Variants in EIF4E observed in about 807,000 individuals in gnomAD.
EIF4E encodes eIF-4F 25 kDa subunit.
For missense variants in EIF4E, 113 were observed against 265.6 expected, an observed-to-expected ratio of 0.43 and a Z score of 3.99; for synonymous variants, 71 against 88.5, an observed-to-expected ratio of 0.80 and a Z score of 1.11.
chr4:98,925,691 G>C (rs777274056), intron 1 of EIF4E, among the ~76,000 whole-genome samples: 1 of 152,078 alleles, frequency 6.6e-6, no homozygotes, highest in African/African-American at 2.4e-5. Context: ...AAATCATCCA[G>C]ATACCTATGC....
Position 98,880,781 on chromosome 4 carries a change from G to C in EIF4E, c.*247C>G. The C allele has an allele frequency of 4.2e-6, 2 of 474,602 alleles. No individual in the cohort carries two copies. The highest frequency in any genetic ancestry group is 5.1e-5 in the South Asian group (2 of 38,868). 29.4% of individuals were successfully genotyped at this position (474,602 alleles called of 1,614,324 possible). A position where few individuals can be genotyped will look rare whatever the true frequency, so the allele number is the denominator to read the frequency against. The stretch of plus-strand genomic sequence containing the variant: ...CAGAGTGGGCCAGGAACACATTTAT[G>C]GATTCTGGGGATGTGTACTGTAATT... On this transcript the variant is annotated 3_prime_UTR_variant, in exon 7 of 7. Transcript: ENST00000450253.
At chr4:98,926,226 G>GC (rs1195111013) in intron 1 of EIF4E, 1 of 151,850 alleles carries the variant, frequency 6.6e-6, no homozygotes, top group Admixed American at 6.6e-5. Context: ...ACTAGCCTGT[G>GC]CACAAGGGTA....
intron 1 of EIF4E, among the ~76,000 whole-genome samples, chr4:98,926,684 T>C (rs1048972203): frequency 6.6e-6 from 1 of 152,132 alleles, no homozygotes; most frequent in Non-Finnish European, 1.5e-5. Context: ...AACATCCAAA[T>C]CTCCCAAAGT....
chr4:98,927,753 C>T (rs921737145), intron 1 of EIF4E, among the ~76,000 whole-genome samples: 1 of 141,282 alleles, frequency 7.1e-6, no homozygotes, highest in Non-Finnish European at 1.5e-5. Context: ...AAAAGATACA[C>T]AAAAGTATCT....
In EIF4E at chr4:98,901,348, C is replaced by T. The variant is rs1724640430; in HGVS notation, c.125+528G>A. ...GAGCAGCTGGGATTACAGGCGTCTG[C>T]CACCATACCCAGCTAATTTTTGTAT... is the stretch of plus-strand genomic sequence containing the variant. On this transcript the variant is annotated intron_variant, in intron 2 of 6. Transcript: ENST00000450253. Among the ~76,000 whole-genome samples, 4 of 152,288 alleles carry T rather than the reference C, an allele frequency of 2.6e-5. No homozygotes were observed. The South Asian group carries it at 8.3e-4, about 32-fold the overall frequency.
At chr4:98,922,641 A>G (rs771858170) in intron 1 of EIF4E, among the ~76,000 whole-genome samples, 21 of 152,050 alleles carry the variant, frequency 1.4e-4, no homozygotes, top group Admixed American at 4.6e-4. Context: ...ATGTGTAGCA[A>G]TTACAAATAA....
chr4:98,925,026 G>A (rs1016265451), intron 1 of EIF4E, among the ~76,000 whole-genome samples: 2 of 152,088 alleles, frequency 1.3e-5, no homozygotes, highest in Non-Finnish European at 2.9e-5. Context: ...TGCATAGTCT[G>A]GTTGGCATTC....
At chr4:98,914,899 C>T (rs951747828) in intron 1 of EIF4E, among the ~76,000 whole-genome samples, 1 of 152,132 alleles carries the variant, frequency 6.6e-6, no homozygotes, top group African/African-American at 2.4e-5. Context: ...CGGGAACTGT[C>T]TTTTCTGCTC....
intron 1 of EIF4E, among the ~76,000 whole-genome samples, chr4:98,921,379 A>AT: frequency 1.4e-5 from 2 of 138,042 alleles, no homozygotes; most frequent in South Asian, 4.2e-4. Context: ...TAGTTACAAT[A>AT]TTTTTTTCTG....
At chr4:98,881,881 A>G (rs973770211) in intron 6 of EIF4E, among the ~76,000 whole-genome samples, 2 of 152,360 alleles carry the variant, frequency 1.3e-5, no homozygotes, top group South Asian at 2.1e-4. Context: ...GTGATACTGT[A>G]TAACAAGGAG....
At chr4:98,918,178 C>T (rs770116239) in intron 1 of EIF4E, among the ~76,000 whole-genome samples, 11 of 151,740 alleles carry the variant, frequency 7.2e-5, no homozygotes, top group Non-Finnish European at 1.5e-4. Flanking sequence ...GCCTGGCCAA[C>T]ATGATGAAAC....
intron 2 of EIF4E, among the ~76,000 whole-genome samples, chr4:98,894,675 T>C: frequency 6.6e-6 from 1 of 152,226 alleles, no homozygotes; most frequent in East Asian, 1.9e-4. Context: ...CCCAGACCAC[T>C]TGAACTTACT....
chr4:98,926,874 A>G (rs1485953610), intron 1 of EIF4E, among the ~76,000 whole-genome samples: 1 of 152,238 alleles, frequency 6.6e-6, no homozygotes, highest in African/African-American at 2.4e-5. Context: ...GTCCTTCATC[A>G]CTTTGCAGTT....
intron 2 of EIF4E, among the ~76,000 whole-genome samples, chr4:98,901,372 A>G (rs1724641219): frequency 6.6e-6 from 1 of 151,754 alleles, no homozygotes; most frequent in Non-Finnish European, 1.5e-5. Context: ...TAATTTTTGT[A>G]TTTTTTAGTA....
At chr4:98,898,099 A>T (rs1724486968) in intron 2 of EIF4E, among the ~76,000 whole-genome samples, 1 of 151,910 alleles carries the variant, frequency 6.6e-6, no homozygotes, top group Non-Finnish European at 1.5e-5. Context: ...CTCTTTGAGC[A>T]TGTGTCCTAC....
rs562660751 is a variant in EIF4E at position 98,902,960 on chromosome 4, A to C, written c.19-978T>G. 4.0e-4 allele frequency among the ~76,000 whole-genome samples: 61 copies of C among 152,336 alleles called. 1 individual carries two copies. The highest frequency in any genetic ancestry group is 6.9e-4 in the Non-Finnish European group (47 of 68,028). On this transcript the variant is annotated intron_variant, in intron 1 of 6. Transcript: ENST00000450253. ...TACTGTTTACCCTATCGTAACCTAA[A>C]AGTTCGGCAACTTAATATTTTCAAT...
At chr4:98,918,743 T>A (rs1475419405) in intron 1 of EIF4E, among the ~76,000 whole-genome samples, 5 of 152,156 alleles carry the variant, frequency 3.3e-5, no homozygotes, top group Admixed American at 3.3e-4. Context: ...GAAAACTTTA[T>A]GTGTTGATAT....
chr4:98,917,093 C>T (rs942421808), intron 1 of EIF4E, among the ~76,000 whole-genome samples: 1 of 63,192 alleles, frequency 1.6e-5, no homozygotes, highest in Non-Finnish European at 2.6e-5. Context: ...AACACACACA[C>T]ACACACACAC....
intron 1 of EIF4E, among the ~76,000 whole-genome samples, chr4:98,922,283 C>T (rs193064637): frequency 3.6e-4 from 55 of 152,208 alleles, no homozygotes; most frequent in African/African-American, 1.3e-3. Context: ...GTTAGCCTGG[C>T]GCGGTGGCTC....
Sources: allele counts gnomAD v4.1 joint callset (sites outside exome capture counted in the v4.1 genomes callset), GRCh38; gene constraint gnomAD v4.1.1; transcripts MANE v1.5; gene names NCBI Gene and HGNC (gene_info 2026-07-23, HGNC 2026-07-21).